The following UNC80 variants were observed in gnomAD, a reference collection of about 807,000 sequenced individuals.
UNC80 encodes protein unc-80 homolog.
UNC80 carries 164 observed loss-of-function variants against 384.6 expected under a neutral mutation model. That is an observed-to-expected ratio of 0.43 (90% CI 0.38 to 0.49). The LOEUF (loss-of-function observed/expected upper bound fraction) is 0.49, where lower values mean the gene tolerates loss of function less well. Among genes scored for constraint, UNC80 ranks in the 20% least tolerant of loss-of-function variants. The probability of loss-of-function intolerance (pLI) is 0.00; values close to 1 mark genes in which losing one functional copy is unlikely to be tolerated. For synonymous variants in UNC80, 1,486 were observed against 1,527.8 expected (o/e 0.97, Z 0.64); for missense variants, 3,330 against 4,143.0 (o/e 0.80, Z 5.39).
At chr2:209,944,299 A>G (rs1027006893) in intron 45 of UNC80, among the ~76,000 whole-genome samples, 1 of 151,994 alleles carries the variant, frequency 6.6e-6, no homozygotes, top group African/African-American at 2.4e-5. Flanking sequence ...TCTACCACCT[A>G]CCCTGCTTTG....
intron 53 of UNC80, 49 bp from the exon 54 acceptor site, chr2:209,970,783 A>G (rs201729843): frequency 1.3e-5 from 20 of 1,532,264 alleles, no homozygotes; most frequent in Non-Finnish European, 1.6e-5. Flanking sequence ...CTACGGTTGC[A>G]TGAAATTGCA....
At chr2:209,932,123 C>T (rs756176953) in intron 38 of UNC80, among the ~76,000 whole-genome samples, 24 of 152,176 alleles carry the variant, frequency 1.6e-4, no homozygotes, top group African/African-American at 5.3e-4. Flanking sequence ...GCTGCTGTCA[C>T]TCAAAGCCTG....
chr2:209,861,880 T>A (rs1450915830), intron 22 of UNC80, among the ~76,000 whole-genome samples: 1 of 152,196 alleles, frequency 6.6e-6, no homozygotes, highest in Non-Finnish European at 1.5e-5. Context: ...AGTGGAGATA[T>A]CCCCTTTATC....
intron 4 of UNC80, among the ~76,000 whole-genome samples, chr2:209,785,573 T>C (rs908831883): frequency 6.6e-6 from 1 of 152,086 alleles, no homozygotes; most frequent in African/African-American, 2.4e-5. Flanking sequence ...TAATACACTA[T>C]GAAGGGTCAA....
chr2:209,920,968 C>A (rs1248579157), intron 33 of UNC80, among the ~76,000 whole-genome samples: 1 of 152,076 alleles, frequency 6.6e-6, no homozygotes, highest in Non-Finnish European at 1.5e-5. Flanking sequence ...GCTGGGATTA[C>A]AGGCTTGCGC....
At chr2:209,857,520 TGTC>T (rs2083022669) in intron 22 of UNC80, among the ~76,000 whole-genome samples, 1 of 152,164 alleles carries the variant, frequency 6.6e-6, no homozygotes, top group Admixed American at 6.5e-5. Flanking sequence ...ACCAGTCATT[TGTC>T]TATTTCATTT....
At chr2:209,817,156 A>C (rs2079801272) in intron 10 of UNC80, 31 bp downstream of exon 10, 2 of 1,537,842 alleles carry the variant, frequency 1.3e-6, no homozygotes, top group Admixed American at 2.0e-5. Flanking sequence ...AATAGGGCAG[A>C]GTTTAAGTGA....
chr2:209,814,121 T>C (rs928484763), intron 8 of UNC80, among the ~76,000 whole-genome samples: 2 of 152,214 alleles, frequency 1.3e-5, no homozygotes, highest in Non-Finnish European at 2.9e-5. Flanking sequence ...ATAATCAAAG[T>C]AGTAATTAAT....
At chr2:209,776,827 A>T (rs2076892948) in intron 3 of UNC80, among the ~76,000 whole-genome samples, 1 of 152,160 alleles carries the variant, frequency 6.6e-6, no homozygotes, top group East Asian at 1.9e-4. Context: ...TGCTTTTTTC[A>T]TCTGGCAATG....
chr2:209,959,993 C>A (rs1250651750), intron 51 of UNC80, among the ~76,000 whole-genome samples: 1 of 152,172 alleles, frequency 6.6e-6, no homozygotes, highest in Non-Finnish European at 1.5e-5. Context: ...AATTTTATCA[C>A]CTGAATTCTT....
intron 26 of UNC80, among the ~76,000 whole-genome samples, chr2:209,893,769 A>C (rs1350394511): frequency 1.3e-5 from 2 of 152,226 alleles, no homozygotes; most frequent in East Asian, 3.8e-4. Context: ...GAAGGGGTTT[A>C]CGTGACAGCT....
At chr2:209,873,672 C>G (rs1048352644) in intron 23 of UNC80, among the ~76,000 whole-genome samples, 1 of 152,168 alleles carries the variant, frequency 6.6e-6, no homozygotes, top group Non-Finnish European at 1.5e-5. Flanking sequence ...TTAGACAGAG[C>G]TGAACATAAA....
chr2:209,927,028 C>T, intron 36 of UNC80, 42 bp downstream of exon 36: 2 of 1,545,590 alleles, frequency 1.3e-6, no homozygotes, highest in Non-Finnish European at 1.7e-6. Flanking sequence ...CATTCTTAAG[C>T]TGTTTATCTG....
intron 47 of UNC80, among the ~76,000 whole-genome samples, chr2:209,953,416 CAAAAAAAAAAAAA>C (rs543990253): frequency 9.4e-5 from 4 of 42,442 alleles, no homozygotes; most frequent in East Asian, 8.8e-4. Flanking sequence ...AAGACTCTGT[CAAAAAAAAAAAAA>C]AAAAAAAAAA....
chr2:209,971,830 T>C (rs1037839788), intron 54 of UNC80, among the ~76,000 whole-genome samples: 1 of 152,266 alleles, frequency 6.6e-6, no homozygotes, highest in African/African-American at 2.4e-5. Flanking sequence ...GAGGAATAAC[T>C]ACCAAAAGGA....
chr2:209,953,060 C>G (rs1383946204), intron 47 of UNC80, among the ~76,000 whole-genome samples: 1 of 152,062 alleles, frequency 6.6e-6, no homozygotes, highest in African/African-American at 2.4e-5. Context: ...TTTGGGATAT[C>G]AACTCATCAC....
chr2:209,869,081 C>G (rs2084077077), intron 22 of UNC80: 1 of 152,162 alleles, frequency 6.6e-6, no homozygotes, highest in South Asian at 2.1e-4. Context: ...AACTGTGCCT[C>G]TGATACTCTG....
chr2:209,872,903 T>C lies in UNC80; in HGVS notation c.3773T>C (p.Ile1258Thr), dbSNP rs2084423190. The change falls in exon 23 of 65, where the codon ATT becomes ACT. Residue 1258 changes from isoleucine (I) to threonine (T), a missense_variant. Physicochemically the swap from Ile to Thr is moderately conservative, Grantham distance 89. Around this residue, in one of 8 missense-constraint regions of UNC80, gnomAD observed 801 missense variants for 950.8 expected, o/e 0.84. Coordinates refer to ENST00000673920, the MANE Select transcript of UNC80 (RefSeq NM_001371986.1). The surrounding 1 kb of genome is among the most constrained non-coding windows in gnomAD (Gnocchi z 4.1). ...KKGLSRGRSP[I>T]VGNKRNQKLQ... ...GGACTTTCCCGGGGACGCTCTCCCATTGTGGGCAACAAGCGAAACCAGAAG... is the reference window on the plus strand; with the variant it reads ...GGACTTTCCCGGGGACGCTCTCCCACTGTGGGCAACAAGCGAAACCAGAAG... 1.3e-6 allele frequency: 2 copies of C among 1,551,536 alleles called. No individual in the cohort carries two copies. The highest frequency in any genetic ancestry group is 2.4e-5 in the East Asian group (1 of 40,904).
In UNC80 at chr2:209,840,352, C is replaced by T. The variant is rs1326620528; in HGVS notation, c.3251-190C>T. Among the ~76,000 whole-genome samples the T allele has an allele frequency of 2.0e-5, 3 of 152,326 alleles. No homozygotes were observed. The East Asian group carries it at 5.8e-4, about 29-fold the overall frequency. ...CCAGATTCTTTTCGTCTTGGTCCCA[C>T]ATGCTTATGCAATTTTATAGTCTAA... is the stretch of plus-strand genomic sequence containing the variant. On this transcript the variant is annotated intron_variant, in intron 19 of 64. Transcript: ENST00000673920.
Sources: gnomAD v4.1 joint callset for allele counts (sites outside exome capture counted in the v4.1 genomes callset) on GRCh38, gnomAD v4.1.1 for gene constraint, gnomAD v4.1.1 regional missense constraint, Gnocchi (gnomAD v3.1) non-coding constraint, MANE v1.5 for transcripts, NCBI Gene and HGNC (gene_info 2026-07-23, HGNC 2026-07-21) for gene names.